PTPN14: variants seen among roughly 807,000 people sequenced by gnomAD.
PTPN14 encodes protein tyrosine phosphatase non-receptor type 14.
Under a neutral mutation model 126.8 loss-of-function variants are expected in PTPN14, and 53 were observed. The ratio of observed to expected loss-of-function variants is 0.42; its 90% CI spans 0.34 to 0.53. The LOEUF (loss-of-function observed/expected upper bound fraction) is 0.53. Ranked by LOEUF, PTPN14 falls within the 20% of genes least tolerant of loss-of-function variation. PTPN14 has a pLI of 0.08. For missense variants in PTPN14, 1,257 were observed against 1,552.9 expected, an observed-to-expected ratio of 0.81 and a Z score of 3.20; for synonymous variants, 630 against 599.3, an observed-to-expected ratio of 1.05 and a Z score of -0.75.
At chr1:214,423,871 C>T (rs1002219726) in intron 3 of PTPN14, among the ~76,000 whole-genome samples, 1 of 152,034 alleles carries the variant, frequency 6.6e-6, no homozygotes, top group Admixed American at 6.5e-5. Flanking sequence ...ATTCCAGCTA[C>T]TAGGGAGGCT....
chr1:214,460,346 T>A (rs1660481318), intron 2 of PTPN14, among the ~76,000 whole-genome samples: 1 of 151,966 alleles, frequency 6.6e-6, no homozygotes, highest in African/African-American at 2.4e-5. Context: ...GCAGACTCCA[T>A]CCTGCCCCTT....
intron 1 of PTPN14, among the ~76,000 whole-genome samples, chr1:214,521,362 A>C (rs567532476): frequency 6.6e-6 from 1 of 152,360 alleles, no homozygotes; most frequent in South Asian, 2.1e-4. Context: ...AAAACGGCAG[A>C]TGCCTTCCTT....
rs527466030 is a variant in PTPN14 at position 214,382,725 on chromosome 1, G to A, written c.2544+586C>T. On this transcript the variant is annotated intron_variant, in intron 13 of 18. Coordinates refer to ENST00000366956, the MANE Select transcript of PTPN14 (RefSeq NM_005401.5). Reference sequence around the variant, plus strand: ...TGTATATATGTATGTGTGTATTCACGTATGTGTGTGAATTTTTGACAGAAT... The same window carrying A: ...TGTATATATGTATGTGTGTATTCACATATGTGTGTGAATTTTTGACAGAAT... Among the ~76,000 whole-genome samples the A allele has an allele frequency of 2.6e-5, 4 of 152,306 alleles. No individual in the cohort carries two copies. In the South Asian group the frequency reaches 6.2e-4, roughly 24 times the overall value.
At chr1:214,495,654 T>C (rs1661344712) in intron 1 of PTPN14, among the ~76,000 whole-genome samples, 1 of 144,270 alleles carries the variant, frequency 6.9e-6, no homozygotes, top group Admixed American at 6.9e-5. Flanking sequence ...TCATGTGCTA[T>C]TTTATTTTTT....
chr1:214,474,998 T>C (rs1175448553), intron 1 of PTPN14, among the ~76,000 whole-genome samples: 2 of 152,146 alleles, frequency 1.3e-5, no homozygotes, highest in African/African-American at 4.8e-5. Flanking sequence ...TGGGATTTGC[T>C]TAAAAAATCA....
intron 3 of PTPN14, among the ~76,000 whole-genome samples, chr1:214,440,589 C>T (rs1188776107): frequency 6.6e-6 from 1 of 152,226 alleles, no homozygotes; most frequent in Non-Finnish European, 1.5e-5. Context: ...GGAAGTTATA[C>T]TCTCACACTC....
At chr1:214,380,006 C>A (rs1472308766) in intron 13 of PTPN14, among the ~76,000 whole-genome samples, 1 of 152,208 alleles carries the variant, frequency 6.6e-6, no homozygotes, top group Non-Finnish European at 1.5e-5. Context: ...AAGGACTTAC[C>A]ACCAAAAGAT....
chr1:214,524,268 C>T (rs554547834), intron 1 of PTPN14, among the ~76,000 whole-genome samples: 4 of 152,082 alleles, frequency 2.6e-5, no homozygotes, highest in Non-Finnish European at 5.9e-5. Flanking sequence ...AAAATCAATT[C>T]CTCATTGCAA....
At chr1:214,475,028 T>C (rs964001034) in intron 1 of PTPN14, among the ~76,000 whole-genome samples, 2 of 152,086 alleles carry the variant, frequency 1.3e-5, no homozygotes, top group Non-Finnish European at 2.9e-5. Flanking sequence ...GGGAACTGAG[T>C]AGGGCTGCAG....
At chr1:214,512,874 T>C (rs1049471641) in intron 1 of PTPN14, among the ~76,000 whole-genome samples, 4 of 151,972 alleles carry the variant, frequency 2.6e-5, no homozygotes, top group Non-Finnish European at 5.9e-5. Context: ...TGTTTTTTTG[T>C]AGAGACAAGT....
intron 1 of PTPN14, among the ~76,000 whole-genome samples, chr1:214,527,117 A>G (rs887861449): frequency 1.3e-5 from 2 of 151,888 alleles, no homozygotes; most frequent in Non-Finnish European, 2.9e-5. Flanking sequence ...AAAAAACAGA[A>G]GGTGATAAGG....
At chr1:214,541,662 A>G (rs183035741) in intron 1 of PTPN14, among the ~76,000 whole-genome samples, 34 of 152,310 alleles carry the variant, frequency 2.2e-4, no homozygotes, top group Non-Finnish European at 4.6e-4. Context: ...TTACCTGTCC[A>G]TTTCCTACCC....
chr1:214,428,564 TCTGC>T (rs1443331819), intron 3 of PTPN14, among the ~76,000 whole-genome samples: 2 of 152,196 alleles, frequency 1.3e-5, no homozygotes, highest in Non-Finnish European at 2.9e-5. Context: ...CCTCAAATCC[TCTGC>T]CTATTTTTGT....
chr1:214,429,741 T>C (rs960893759), intron 3 of PTPN14, among the ~76,000 whole-genome samples: 19 of 152,248 alleles, frequency 1.2e-4, no homozygotes, highest in African/African-American at 4.6e-4. Flanking sequence ...ATATTAATTA[T>C]GTAAAATTGT....
rs372127733 is a variant in PTPN14, at chr1:214,407,093, T to C, written c.511-4140A>G. Among the ~76,000 whole-genome samples the C allele has an allele frequency of 1.7e-4, 26 of 152,306 alleles. No individual in the cohort carries two copies. In the South Asian group the frequency reaches 4.3e-3, roughly 25 times the overall value. On this transcript the variant is annotated intron_variant, in intron 5 of 18. Coordinates refer to ENST00000366956, the MANE Select transcript of PTPN14 (RefSeq NM_005401.5). ...CATTAGAAATGTTGACTCAAGCATA[T>C]TGACATTAAGCCCTAAGAAGAACTG... is the stretch of plus-strand genomic sequence containing the variant.
At chr1:214,438,860 A>T (rs1659977284) in intron 3 of PTPN14, among the ~76,000 whole-genome samples, 1 of 152,220 alleles carries the variant, frequency 6.6e-6, no homozygotes, top group Non-Finnish European at 1.5e-5. Context: ...AACAAATATT[A>T]TTTGAAGACC....
At chr1:214,365,689 A>G (rs1424517257) in intron 17 of PTPN14, among the ~76,000 whole-genome samples, 1 of 152,150 alleles carries the variant, frequency 6.6e-6, no homozygotes, top group Non-Finnish European at 1.5e-5. Context: ...TATATAAATA[A>G]TCCATACTTT....
In PTPN14 at chr1:214,465,035, GCCCC is replaced by G; in HGVS notation, c.-154-82_-154-79del. On this transcript the variant is annotated intron_variant, in intron 1 of 18. Coordinates refer to ENST00000366956, the MANE Select transcript of PTPN14 (RefSeq NM_005401.5). The stretch of plus-strand genomic sequence containing the variant: ...GGTACCATATTCCACACACACAGAA[GCCCC>G]CCCCCCCCCCCACCCCGCCAAACAG... The G allele has an allele frequency of 1.8e-5, 5 of 279,358 alleles. No homozygotes were observed. In the South Asian group the frequency reaches 1.8e-4, roughly 10 times the overall value. The allele number at this position is 279,358 out of a possible 1,614,324, so 17.3% of individuals were successfully genotyped here.
intron 15 of PTPN14, among the ~76,000 whole-genome samples, chr1:214,374,189 T>C (rs932805324): frequency 1.3e-5 from 2 of 152,250 alleles, no homozygotes; most frequent in Non-Finnish European, 2.9e-5. Flanking sequence ...GAAGTAATCA[T>C]TGTTTGAAAC....
Sources: allele counts gnomAD v4.1 joint callset (sites outside exome capture counted in the v4.1 genomes callset), GRCh38; gene constraint gnomAD v4.1.1; transcripts MANE v1.5; gene names NCBI Gene and HGNC (gene_info 2026-07-23, HGNC 2026-07-21).